The following TRAPPC9 variants were observed in gnomAD, a reference collection of about 807,000 sequenced individuals.
TRAPPC9 encodes the protein IKK2 binding protein.
TRAPPC9 carries 83 observed loss-of-function variants against 124.0 expected under a neutral mutation model. The observed-to-expected ratio is 0.67, with a 90% CI of 0.56 to 0.80. TRAPPC9 has a LOEUF of 0.80. Among genes scored for constraint, TRAPPC9 ranks in the 30% least tolerant of loss-of-function variants. TRAPPC9 has a pLI of 0.00. For synonymous variants in TRAPPC9, 638 were observed against 617.5 expected (o/e 1.03, Z -0.49); for missense variants, 1,302 against 1,508.3 (o/e 0.86, Z 2.27).
intron 3 of TRAPPC9, 144 bp downstream of exon 3, chr8:140,438,908 T>A (rs1280621189): frequency 3.1e-6 from 3 of 955,482 alleles, no homozygotes; most frequent in African/African-American, 3.2e-5. Context: ...GCCAGGATGG[T>A]CTCAATCTCT....
At position 140,087,312 on chromosome 8, in the gene TRAPPC9, T is replaced by A. The variant is rs909631840; in HGVS notation, c.2557-63233A>T. Among the ~76,000 whole-genome samples, 1 of 151,672 alleles carries A rather than the reference T, an allele frequency of 6.6e-6. No individual in the cohort carries two copies. Among genetic ancestry groups the A allele is most frequent in the Non-Finnish European group, 1.5e-5 (1 of 67,974 alleles). On this transcript the variant is annotated intron_variant, in intron 17 of 22. Coordinates refer to ENST00000438773, the MANE Select transcript of TRAPPC9 (RefSeq NM_001160372.4). The surrounding 1 kb of genome is among the most constrained non-coding windows in gnomAD (Gnocchi z 4.6). Reference sequence around the variant, plus strand: ...TGCCTCGAAAGCACAGCACTCTATCTCTGCAACCCCCTCAGGAATGTCATC... The same window carrying A: ...TGCCTCGAAAGCACAGCACTCTATCACTGCAACCCCCTCAGGAATGTCATC...
At chr8:139,885,997 T>C (rs1297345544) in intron 20 of TRAPPC9, 28 bp from the exon 21 acceptor site, 1 of 1,549,170 alleles carries the variant, frequency 6.5e-7, no homozygotes, top group Non-Finnish European at 8.7e-7. Flanking sequence ...AAAACGCAAC[T>C]CCTGCGGAGC....
chr8:139,888,038 A>G (rs1167200406), intron 20 of TRAPPC9, among the ~76,000 whole-genome samples: 1 of 152,140 alleles, frequency 6.6e-6, no homozygotes, highest in East Asian at 1.9e-4. Context: ...GCACATTCTC[A>G]GGGTTCACTG....
intron 17 of TRAPPC9, among the ~76,000 whole-genome samples, chr8:140,112,031 T>C (rs1012979615): frequency 4.6e-5 from 7 of 152,268 alleles, no homozygotes; most frequent in East Asian, 3.8e-4. Flanking sequence ...AAGAACATCT[T>C]TGGGTAGCCC....
chr8:139,937,213 G>T (rs1197017927), intron 19 of TRAPPC9, among the ~76,000 whole-genome samples: 1 of 152,142 alleles, frequency 6.6e-6, no homozygotes, highest in Non-Finnish European at 1.5e-5. Flanking sequence ...AACAGTAAAA[G>T]CTCTTTTTAT....
At chr8:139,875,541 A>T (rs565975501) in intron 21 of TRAPPC9, among the ~76,000 whole-genome samples, 2 of 152,282 alleles carry the variant, frequency 1.3e-5, no homozygotes, top group South Asian at 4.1e-4. Flanking sequence ...CTCTTTGTCA[A>T]CCCATGCCCA....
intron 20 of TRAPPC9, among the ~76,000 whole-genome samples, chr8:139,905,653 T>C (rs1348280981): frequency 6.6e-6 from 1 of 152,128 alleles, no homozygotes; most frequent in Non-Finnish European, 1.5e-5. Flanking sequence ...CAGCCTCTCG[T>C]GGGAAACATG....
chr8:140,255,638 C>A (rs1331443002), intron 15 of TRAPPC9, among the ~76,000 whole-genome samples: 3 of 152,244 alleles, frequency 2.0e-5, no homozygotes. Context: ...GTAATCCCAG[C>A]ACTTTGGGAG....
At chr8:139,834,613 C>T (rs558810298) in intron 21 of TRAPPC9, among the ~76,000 whole-genome samples, 2 of 152,316 alleles carry the variant, frequency 1.3e-5, no homozygotes, top group Non-Finnish European at 2.9e-5. Flanking sequence ...CGTTGTCGCC[C>T]CATCTCACAG....
At chr8:139,747,889 T>A (rs188155818) in intron 21 of TRAPPC9, among the ~76,000 whole-genome samples, 44 of 44,914 alleles carry the variant, frequency 9.8e-4, no homozygotes, top group East Asian at 2.0e-3. Context: ...ACACAGCAGG[T>A]GTCAGAGCAG....
At chr8:139,896,646 G>A (rs1432215576) in intron 20 of TRAPPC9, among the ~76,000 whole-genome samples, 9 of 152,292 alleles carry the variant, frequency 5.9e-5, no homozygotes, top group Middle Eastern at 3.4e-3. Flanking sequence ...GAGATTATTC[G>A]ATATGTTGTA....
At position 139,827,296 on chromosome 8, in the gene TRAPPC9, C is replaced by T. The variant is rs1442149527; in HGVS notation, c.3055+58583G>A. Reference sequence around the variant, plus strand: ...CATCTCAGTATCCGCAGGGCCGAGGCATGTGTCTGGCACATGCTAGACGTC... The same window carrying T: ...CATCTCAGTATCCGCAGGGCCGAGGTATGTGTCTGGCACATGCTAGACGTC... On this transcript the variant is annotated intron_variant, in intron 21 of 22. Transcript: ENST00000438773. Among the ~76,000 whole-genome samples the T allele has an allele frequency of 2.6e-5, 4 of 152,204 alleles. No homozygotes were observed. In the East Asian group the frequency reaches 7.7e-4, roughly 29 times the overall value.
At chr8:140,196,938 A>G (rs1233988078) in intron 17 of TRAPPC9, among the ~76,000 whole-genome samples, 2 of 152,260 alleles carry the variant, frequency 1.3e-5, no homozygotes, top group East Asian at 3.9e-4. Context: ...AAACACACAC[A>G]ACGATCCACG....
intron 19 of TRAPPC9, among the ~76,000 whole-genome samples, chr8:139,928,621 A>G (rs1832944481): frequency 6.6e-6 from 1 of 151,796 alleles, no homozygotes; most frequent in African/African-American, 2.4e-5. Context: ...CCGACCTCAG[A>G]GCTGCTGTCG....
At chr8:140,222,727 T>C (rs1455460414) in intron 16 of TRAPPC9, among the ~76,000 whole-genome samples, 1 of 152,244 alleles carries the variant, frequency 6.6e-6, no homozygotes, top group African/African-American at 2.4e-5. Flanking sequence ...TACTGCCTCC[T>C]GAGGAGTTAT....
chr8:140,021,432 T>C (rs547863390), intron 18 of TRAPPC9, among the ~76,000 whole-genome samples: 2 of 152,370 alleles, frequency 1.3e-5, no homozygotes, highest in African/African-American at 4.8e-5. Context: ...TGCTATACAC[T>C]ACAGAATTAA....
intron 17 of TRAPPC9, among the ~76,000 whole-genome samples, chr8:140,075,032 G>A (rs990033267): frequency 6.6e-6 from 1 of 152,090 alleles, no homozygotes; most frequent in African/African-American, 2.4e-5. Flanking sequence ...GAAGAGATCT[G>A]AAGCCTAGAC....
At chr8:140,298,809 C>T in intron 11 of TRAPPC9, among the ~76,000 whole-genome samples, 1 of 152,176 alleles carries the variant, frequency 6.6e-6, no homozygotes, top group East Asian at 1.9e-4. Flanking sequence ...AATCAGTTTC[C>T]CCGTCAACAA....
chr8:140,147,046 T>C (rs2061474303), intron 17 of TRAPPC9, among the ~76,000 whole-genome samples: 2 of 152,264 alleles, frequency 1.3e-5, no homozygotes, highest in African/African-American at 4.8e-5. Flanking sequence ...TTTTTGCCAC[T>C]AAAAGTAGCA....
Sources: gnomAD v4.1 joint callset for allele counts (sites outside exome capture counted in the v4.1 genomes callset) on GRCh38, gnomAD v4.1.1 for gene constraint, Gnocchi (gnomAD v3.1) non-coding constraint, MANE v1.5 for transcripts, NCBI Gene and HGNC (gene_info 2026-07-23, HGNC 2026-07-21) for gene names.